Variants in CSPP1 observed in about 807,000 individuals in gnomAD.
The protein encoded by CSPP1 is centrosome and spindle pole associated protein 1.
A neutral mutation model predicts 164.4 loss-of-function variants in CSPP1; 126 were observed. That is an observed-to-expected ratio of 0.77 (90% CI 0.66 to 0.89). The LOEUF (loss-of-function observed/expected upper bound fraction) is 0.89. Ranked by LOEUF, CSPP1 falls within the 40% of genes least tolerant of loss-of-function variation. The pLI is 0.00. For synonymous variants in CSPP1, 472 were observed against 476.7 expected, an observed-to-expected ratio of 0.99 and a Z score of 0.13; for missense variants, 1,395 against 1,449.8, an observed-to-expected ratio of 0.96 and a Z score of 0.61.
intron 8 of CSPP1, among the ~76,000 whole-genome samples, chr8:67,105,672 C>T (rs1301784630): frequency 3.3e-5 from 5 of 152,288 alleles, no homozygotes; most frequent in Middle Eastern, 3.4e-3. Flanking sequence ...GTGTGAGCCA[C>T]CATGCCTGGC....
chr8:67,130,463 T>A (rs1820996485), intron 15 of CSPP1, among the ~76,000 whole-genome samples: 1 of 152,212 alleles, frequency 6.6e-6, no homozygotes, highest in Non-Finnish European at 1.5e-5. Context: ...CCTTCTTTAT[T>A]CATTTACACA....
chr8:67,136,879 G>A (rs1010588664), intron 16 of CSPP1, among the ~76,000 whole-genome samples: 5 of 152,046 alleles, frequency 3.3e-5, no homozygotes, highest in Non-Finnish European at 7.4e-5. Context: ...GGGGAGGGAA[G>A]GAGGAGTTGG....
chr8:67,078,221 AC>A (rs1808359686), intron 3 of CSPP1, among the ~76,000 whole-genome samples: 1 of 152,168 alleles, frequency 6.6e-6, no homozygotes, highest in Non-Finnish European at 1.5e-5. Flanking sequence ...GTCAGGAGCT[AC>A]ACTTTGTTTC....
chr8:67,168,339 G>A (rs1474751915), intron 24 of CSPP1, among the ~76,000 whole-genome samples: 1 of 149,730 alleles, frequency 6.7e-6, no homozygotes, highest in African/African-American at 2.5e-5. Context: ...GGAGGGGGAG[G>A]GGGAGAGGGA....
intron 25 of CSPP1, 81 bp from the exon 26 acceptor site, chr8:67,175,215 A>C: frequency 1.0e-6 from 1 of 999,292 alleles, no homozygotes; most frequent in Admixed American, 2.2e-5. Flanking sequence ...TAGGTTACTC[A>C]TGTTACTTAC....
chr8:67,159,520 T>C (rs1057037979), intron 21 of CSPP1, among the ~76,000 whole-genome samples: 9 of 127,898 alleles, frequency 7.0e-5, no homozygotes, highest in African/African-American at 2.8e-4. Flanking sequence ...TTTTTTTTTT[T>C]TTTTTTTTTT....
At chr8:67,193,880 A>C (rs987379639) in intron 30 of CSPP1, among the ~76,000 whole-genome samples, 2 of 152,278 alleles carry the variant, frequency 1.3e-5, no homozygotes, top group East Asian at 3.8e-4. Flanking sequence ...GCTTTCAGCA[A>C]AGAAAATGCT....
At chr8:67,190,997 T>TG (rs201190888) in intron 29 of CSPP1, among the ~76,000 whole-genome samples, 1 of 152,154 alleles carries the variant, frequency 6.6e-6, no homozygotes, top group African/African-American at 2.4e-5. Flanking sequence ...AAGTAGCTCC[T>TG]CATCCCAACC....
chr8:67,066,049 A>G (rs931227137), intron 1 of CSPP1, among the ~76,000 whole-genome samples: 1 of 152,202 alleles, frequency 6.6e-6, no homozygotes, highest in African/African-American at 2.4e-5. Context: ...AGGGTGTTTG[A>G]GCAAGTGTTT....
chr8:67,194,910 A>AAAAT (rs1428864834), intron 30 of CSPP1, among the ~76,000 whole-genome samples: 1 of 152,182 alleles, frequency 6.6e-6, no homozygotes, highest in Non-Finnish European at 1.5e-5. Flanking sequence ...GTGTTTTCCC[A>AAAAT]AAATAACTTA....
chr8:67,128,477 T>G (rs1384474792), intron 15 of CSPP1, among the ~76,000 whole-genome samples: 1 of 150,410 alleles, frequency 6.6e-6, no homozygotes, highest in African/African-American at 2.5e-5. Context: ...AGGCAGAGGT[T>G]GCAGTGAGCC....
In CSPP1 at chr8:67,113,817, A is replaced by G. The variant is rs774952378; in HGVS notation, c.1200A>G (p.Leu400=). 4.5e-6 allele frequency: 7 copies of G among 1,569,900 alleles called. No homozygotes were observed. The South Asian group carries it at 6.9e-5, about 16-fold the overall frequency. The change falls in exon 11 of 31, where the codon TTA becomes TTG. Residue 400 remains leucine (L), a synonymous_variant. Transcript: ENST00000678616. Reference sequence around the variant, plus strand: ...TAATTTTGTTTAGAGAAAAAGATTTAGAACTCAGGGTTGCAGCGTCTGGAG... The same window carrying G: ...TAATTTTGTTTAGAGAAAAAGATTTGGAACTCAGGGTTGCAGCGTCTGGAG... ...QQRNKRREKD[L]ELRVAASGAQ...
At chr8:67,081,716 C>A (rs1233181910) in intron 3 of CSPP1, among the ~76,000 whole-genome samples, 1 of 152,120 alleles carries the variant, frequency 6.6e-6, no homozygotes, top group East Asian at 1.9e-4. Flanking sequence ...ACAAATGTGT[C>A]AAGGTCTTAA....
chr8:67,165,867 G>T (rs193266839), intron 24 of CSPP1, among the ~76,000 whole-genome samples: 81 of 152,300 alleles, frequency 5.3e-4, no homozygotes, highest in Middle Eastern at 6.8e-3. Context: ...AGTGAGAAGG[G>T]GGTGGAATTA....
chr8:67,152,470 C>G (rs1488976596), intron 18 of CSPP1, among the ~76,000 whole-genome samples: 1 of 152,036 alleles, frequency 6.6e-6, no homozygotes. Context: ...ATTTTTTTGG[C>G]TTATTATCAT....
At chr8:67,096,869 A>G (rs1812906437) in intron 7 of CSPP1, among the ~76,000 whole-genome samples, 1 of 152,226 alleles carries the variant, frequency 6.6e-6, no homozygotes, top group South Asian at 2.1e-4. Context: ...TGTCTCAACA[A>G]CAACAATAAA....
In CSPP1 at chr8:67,089,530, A is replaced by C. The variant is rs567052824; in HGVS notation, c.304-2273A>C. Among the ~76,000 whole-genome samples the C allele has an allele frequency of 2.6e-5, 4 of 152,260 alleles. No homozygotes were observed. The South Asian group carries it at 8.3e-4, about 32-fold the overall frequency. On this transcript the variant is annotated intron_variant, in intron 4 of 30. Transcript: ENST00000678616. ...TGCACTATCCGTAGCCTGTCCTTTT[A>C]ATTTCCTTTTTGTCACAGTAATTAT...
chr8:67,115,853 T>G, intron 12 of CSPP1, 61 bp from the exon 13 acceptor site: 1 of 1,317,520 alleles, frequency 7.6e-7, no homozygotes, highest in Non-Finnish European at 1.1e-6. Flanking sequence ...TCTTTTGAGG[T>G]CCCTTCCACC....
intron 3 of CSPP1, chr8:67,084,335 A>G (rs1809933855): frequency 6.6e-6 from 1 of 152,146 alleles, no homozygotes; most frequent in South Asian, 2.1e-4. Context: ...CAGTGTTGAT[A>G]GCGGTAAGTG....
Sources: allele counts gnomAD v4.1 joint callset (sites outside exome capture counted in the v4.1 genomes callset), GRCh38; gene constraint gnomAD v4.1.1; transcripts MANE v1.5; gene names NCBI Gene and HGNC (gene_info 2026-07-23, HGNC 2026-07-21).